Variants in SPATA17 observed in about 807,000 individuals in gnomAD.
SPATA17 encodes the protein spermatogenesis associated 17.
In SPATA17, 53 loss-of-function variants were observed where a neutral mutation model predicts 62.2. The ratio of observed to expected loss-of-function variants is 0.85; its 90% CI spans 0.68 to 1.07. SPATA17 has a LOEUF of 1.07. Ranked by LOEUF, SPATA17 falls within the 50% of genes least tolerant of loss-of-function variation. The probability of loss-of-function intolerance (pLI) is 0.00; values close to 1 mark genes in which losing one functional copy is unlikely to be tolerated. For missense variants in SPATA17, 466 were observed against 425.5 expected (o/e 1.10, Z -0.84); for synonymous variants, 146 against 146.8 (o/e 0.99, Z 0.04).
At chr1:217,727,286 T>TA (rs1553369909) in intron 5 of SPATA17, among the ~76,000 whole-genome samples, 1 of 143,214 alleles carries the variant, frequency 7.0e-6, no homozygotes, top group Non-Finnish European at 1.5e-5. Context: ...ATAATAATAA[T>TA]AACAACAAAA....
At chr1:217,690,508 C>CT (rs1172225605) in intron 5 of SPATA17, among the ~76,000 whole-genome samples, 1 of 123,816 alleles carries the variant, frequency 8.1e-6, no homozygotes, top group Non-Finnish European at 1.7e-5. Context: ...TTTTATTATA[C>CT]TTTAAGTTTT....
chr1:217,856,451 A>T (rs1675786935), intron 9 of SPATA17, among the ~76,000 whole-genome samples: 1 of 152,230 alleles, frequency 6.6e-6, no homozygotes, highest in African/African-American at 2.4e-5. Context: ...ACTCCAAAGC[A>T]GTATTGCCTC....
At chr1:217,726,807 A>G (rs1419440006) in intron 5 of SPATA17, among the ~76,000 whole-genome samples, 1 of 151,870 alleles carries the variant, frequency 6.6e-6, no homozygotes. Context: ...ACACATTATT[A>G]CTACAATAAC....
chr1:217,756,889 C>T (rs767504812), intron 6 of SPATA17, among the ~76,000 whole-genome samples: 10 of 152,222 alleles, frequency 6.6e-5, no homozygotes, highest in Non-Finnish European at 1.3e-4. Flanking sequence ...TCCTGTTACA[C>T]ATTGGTTTGT....
intron 5 of SPATA17, among the ~76,000 whole-genome samples, chr1:217,688,724 C>T (rs536824335): frequency 2.4e-4 from 37 of 152,146 alleles, no homozygotes; most frequent in Non-Finnish European, 5.4e-4. Context: ...AGTTGGGGCA[C>T]TCCTCATCTG....
chr1:217,654,333 T>G (rs2102886164), intron 3 of SPATA17, among the ~76,000 whole-genome samples: 1 of 151,964 alleles, frequency 6.6e-6, no homozygotes, highest in South Asian at 2.1e-4. Flanking sequence ...ATAGACAGGG[T>G]TTCTCCCTGT....
At chr1:217,716,147 T>TA (rs899298805) in intron 5 of SPATA17, among the ~76,000 whole-genome samples, 11 of 152,046 alleles carry the variant, frequency 7.2e-5, no homozygotes, top group African/African-American at 2.4e-4. Context: ...ATGACAAACC[T>TA]AAAAAAAATT....
chr1:217,662,200 T>C (rs1038525485), intron 3 of SPATA17, among the ~76,000 whole-genome samples: 1 of 152,190 alleles, frequency 6.6e-6, no homozygotes, highest in Non-Finnish European at 1.5e-5. Context: ...ATATCAGATG[T>C]GCTACTTTTG....
chr1:217,849,317 G>A (rs1675593782), intron 9 of SPATA17, among the ~76,000 whole-genome samples: 1 of 152,016 alleles, frequency 6.6e-6, no homozygotes, highest in Non-Finnish European at 1.5e-5. Flanking sequence ...ACTACCTATG[G>A]CCATTCAGTG....
At chr1:217,754,542 C>T (rs1672996294) in intron 6 of SPATA17, among the ~76,000 whole-genome samples, 1 of 151,648 alleles carries the variant, frequency 6.6e-6, no homozygotes, top group South Asian at 2.1e-4. Context: ...TGGATTGAGC[C>T]CAGTCATGAG....
intron 8 of SPATA17, among the ~76,000 whole-genome samples, chr1:217,784,110 T>C (rs541052188): frequency 6.6e-5 from 10 of 152,266 alleles, no homozygotes; most frequent in African/African-American, 2.4e-4. Flanking sequence ...TAGCTTCTTC[T>C]GAACCATTTT....
intron 7 of SPATA17, among the ~76,000 whole-genome samples, chr1:217,776,209 A>G (rs1195142275): frequency 6.6e-6 from 1 of 152,146 alleles, no homozygotes. Flanking sequence ...GCTAAAGGGT[A>G]GAGTGGGGTG....
chr1:217,775,296 G>C (rs967246042), intron 7 of SPATA17, among the ~76,000 whole-genome samples: 1 of 152,100 alleles, frequency 6.6e-6, no homozygotes, highest in Non-Finnish European at 1.5e-5. Flanking sequence ...TTGATGTTGA[G>C]TTTTAGGAGT....
Position 217,818,193 on chromosome 1 carries a change from C to G in SPATA17, c.1005+16343C>G, listed in dbSNP as rs545233243. On this transcript the variant is annotated intron_variant, in intron 9 of 10. Transcript: ENST00000366933. ...TTGTACATATAACCTACCACCCAGA[C>G]ACATACAGAAAGTAAGTTTGCACTT... Among the ~76,000 whole-genome samples the G allele has an allele frequency of 3.3e-5, 5 of 152,136 alleles. No individual in the cohort carries two copies. The East Asian group carries it at 7.7e-4, about 24-fold the overall frequency.
intron 6 of SPATA17, among the ~76,000 whole-genome samples, chr1:217,744,717 A>C (rs1046187394): frequency 1.3e-5 from 2 of 152,174 alleles, no homozygotes; most frequent in African/African-American, 4.8e-5. Context: ...TTTTTGAGGC[A>C]CTATGGCAAG....
At chr1:217,761,556 G>C (rs180693198) in intron 6 of SPATA17, among the ~76,000 whole-genome samples, 77 of 152,226 alleles carry the variant, frequency 5.1e-4, no homozygotes, top group Admixed American at 1.6e-3. Context: ...GACTCAAATG[G>C]AAGAGCAGGA....
At chr1:217,718,365 C>T (rs2102932077) in intron 5 of SPATA17, among the ~76,000 whole-genome samples, 1 of 152,204 alleles carries the variant, frequency 6.6e-6, no homozygotes, top group East Asian at 1.9e-4. Context: ...TTAACTTCCA[C>T]CTCTTCTTTC....
intron 6 of SPATA17, among the ~76,000 whole-genome samples, chr1:217,767,598 T>C (rs1673330683): frequency 6.6e-6 from 1 of 152,214 alleles, no homozygotes; most frequent in African/African-American, 2.4e-5. Flanking sequence ...GAGGTTTCTA[T>C]TGACGTATCC....
At chr1:217,713,396 ATGT>A (rs1333375740) in intron 5 of SPATA17, among the ~76,000 whole-genome samples, 2 of 151,898 alleles carry the variant, frequency 1.3e-5, no homozygotes, top group Non-Finnish European at 2.9e-5. Flanking sequence ...ACATAAGCAG[ATGT>A]TGTTGACTGA....
Sources: gnomAD v4.1 joint callset for allele counts (sites outside exome capture counted in the v4.1 genomes callset) on GRCh38, gnomAD v4.1.1 for gene constraint, MANE v1.5 for transcripts, NCBI Gene and HGNC (gene_info 2026-07-23, HGNC 2026-07-21) for gene names.